Variants in FMN2 observed in about 807,000 individuals in gnomAD.
FMN2 encodes formin-2.
In FMN2, 51 loss-of-function variants were observed where a neutral mutation model predicts 142.3. The ratio of observed to expected loss-of-function variants is 0.36; its 90% CI spans 0.29 to 0.45. The LOEUF (loss-of-function observed/expected upper bound fraction) is 0.45, where lower values mean the gene tolerates loss of function less well. Ranked by LOEUF, FMN2 falls within the 20% of genes least tolerant of loss-of-function variation. The pLI is 1.00. For synonymous variants in FMN2, 882 were observed against 869.8 expected (o/e 1.01, Z -0.25); for missense variants, 1,936 against 2,122.8 (o/e 0.91, Z 1.73).
intron 2 of FMN2, chr1:240,143,112 A>G (rs549170778): frequency 1.0e-5 from 16 of 1,546,394 alleles, no homozygotes; most frequent in Admixed American, 5.0e-5. Context: ...CAAGTGCACC[A>G]TGAAGAGGTC....
intron 7 of FMN2, among the ~76,000 whole-genome samples, chr1:240,290,778 TG>T (rs1669752543): frequency 1.5e-5 from 2 of 136,782 alleles, no homozygotes; most frequent in South Asian, 4.8e-4. Flanking sequence ...TCTGTTTGTT[TG>T]GTTTTTTTTT....
At chr1:240,186,434 C>A (rs1167922098) in intron 3 of FMN2, among the ~76,000 whole-genome samples, 1 of 152,134 alleles carries the variant, frequency 6.6e-6, no homozygotes, top group Non-Finnish European at 1.5e-5. Flanking sequence ...AGTTTATGTT[C>A]TAGTGGAATA....
At chr1:240,430,761 G>A (rs939083174) in intron 15 of FMN2, among the ~76,000 whole-genome samples, 18 of 144,598 alleles carry the variant, frequency 1.2e-4, no homozygotes, top group Admixed American at 9.2e-4. Context: ...GAATTGGCTC[G>A]CCACCTTTTG....
At chr1:240,341,158 A>G (rs912258767) in intron 13 of FMN2, among the ~76,000 whole-genome samples, 1 of 152,220 alleles carries the variant, frequency 6.6e-6, no homozygotes, top group Non-Finnish European at 1.5e-5. Context: ...GTAAATCATA[A>G]TAATTCTTGT....
chr1:240,191,767 A>G (rs531210187), intron 4 of FMN2, among the ~76,000 whole-genome samples: 5 of 152,316 alleles, frequency 3.3e-5, no homozygotes, highest in East Asian at 1.9e-4. Flanking sequence ...AATTATATAT[A>G]CAATTTTTGT....
At chr1:240,400,138 A>G (rs1349069332) in intron 15 of FMN2, among the ~76,000 whole-genome samples, 1 of 152,194 alleles carries the variant, frequency 6.6e-6, no homozygotes, top group African/African-American at 2.4e-5. Flanking sequence ...GATCAAGGGA[A>G]GAAGATAGCC....
intron 7 of FMN2, among the ~76,000 whole-genome samples, chr1:240,282,097 A>G (rs1461489982): frequency 1.3e-5 from 2 of 152,234 alleles, no homozygotes; most frequent in Non-Finnish European, 2.9e-5. Flanking sequence ...AGTGCCTGCT[A>G]TAACAAGGAC....
At chr1:240,394,707 C>T (rs1019437279) in intron 15 of FMN2, among the ~76,000 whole-genome samples, 3 of 152,152 alleles carry the variant, frequency 2.0e-5, no homozygotes, top group Admixed American at 6.5e-5. Context: ...GTGGCTCAAG[C>T]CTGTAATCCT....
intron 14 of FMN2, among the ~76,000 whole-genome samples, chr1:240,371,921 A>G (rs1460653563): frequency 6.6e-6 from 1 of 152,128 alleles, no homozygotes; most frequent in East Asian, 1.9e-4. Context: ...TAAGTGAAAC[A>G]CTGCTAAACC....
intron 15 of FMN2, among the ~76,000 whole-genome samples, chr1:240,436,239 A>T (rs1675365284): frequency 6.6e-6 from 1 of 152,100 alleles, no homozygotes; most frequent in South Asian, 2.1e-4. Context: ...AATTGACTGT[A>T]CTCTGTCATT....
intron 2 of FMN2, among the ~76,000 whole-genome samples, chr1:240,156,831 A>G (rs1664044538): frequency 6.6e-6 from 1 of 152,234 alleles, no homozygotes; most frequent in African/African-American, 2.4e-5. Flanking sequence ...GATATGTTAG[A>G]TTAATAGATG....
At chr1:240,216,488 C>T (rs1470581471) in intron 6 of FMN2, among the ~76,000 whole-genome samples, 1 of 151,998 alleles carries the variant, frequency 6.6e-6, no homozygotes, top group Non-Finnish European at 1.5e-5. Context: ...ATTCTTTGCC[C>T]AGAGAATGGG....
intron 9 of FMN2, 22 bp downstream of exon 9, chr1:240,329,189 G>T: frequency 6.2e-7 from 1 of 1,613,216 alleles, no homozygotes; most frequent in Non-Finnish European, 8.5e-7. Context: ...TTATAACCAC[G>T]TAGAGGGCGT....
At chr1:240,143,950 G>A (rs756283052) in intron 2 of FMN2, 21 of 1,457,580 alleles carry the variant, frequency 1.4e-5, no homozygotes, top group Non-Finnish European at 1.9e-5. Context: ...CAAGTCTCAT[G>A]GTGTTGCTGT....
At chr1:240,214,412 G>A (rs778994242) in intron 6 of FMN2, among the ~76,000 whole-genome samples, 6 of 151,818 alleles carry the variant, frequency 4.0e-5, no homozygotes, top group Non-Finnish European at 7.4e-5. Context: ...TTAGCCGGGC[G>A]TGGCAGCAGG....
chr1:240,369,584 A>G (rs1392438471), intron 14 of FMN2, among the ~76,000 whole-genome samples: 2 of 152,144 alleles, frequency 1.3e-5, no homozygotes, highest in Non-Finnish European at 2.9e-5. Flanking sequence ...CTGTGTGAAC[A>G]TATCTTTATA....
chr1:240,251,733 A>G lies in FMN2; in HGVS notation c.4066-6212A>G, dbSNP rs575938910. ...CCCTTTAGATCTAATAATATGTTTTATATATCTGTGTGCTCCGTTGTTGGG... is the reference window on the plus strand; with the variant it reads ...CCCTTTAGATCTAATAATATGTTTTGTATATCTGTGTGCTCCGTTGTTGGG... On this transcript the variant is annotated intron_variant, in intron 6 of 17. Transcript: ENST00000319653. 2.0e-5 allele frequency among the ~76,000 whole-genome samples: 3 copies of G among 152,220 alleles called. No individual in the cohort carries two copies. The East Asian group carries it at 5.8e-4, about 30-fold the overall frequency.
intron 5 of FMN2, among the ~76,000 whole-genome samples, chr1:240,209,293 C>G (rs542811131): frequency 1.3e-5 from 2 of 150,994 alleles, no homozygotes; most frequent in South Asian, 4.2e-4. Context: ...CTCTGTCACC[C>G]AGGCTGGAGT....
In FMN2 at chr1:240,453,705, T is replaced by C. The variant is rs1202081693; in HGVS notation, c.5060+15495T>C. Among the ~76,000 whole-genome samples, 3 of 65,844 alleles carry C rather than the reference T, an allele frequency of 4.6e-5. 1 individual carries two copies. Among genetic ancestry groups the C allele is most frequent in the Non-Finnish European group, 1.2e-4 (3 of 25,462 alleles). 43.2% of individuals were successfully genotyped at this position (65,844 alleles called of 152,430 possible). Reference sequence around the variant, plus strand: ...TAATGGTGCTTAAAAATGGAAGGCATAGGGCCGGGCGCGGTGGCTCACGCC... The same window carrying C: ...TAATGGTGCTTAAAAATGGAAGGCACAGGGCCGGGCGCGGTGGCTCACGCC... On this transcript the variant is annotated intron_variant, in intron 16 of 17. Transcript: ENST00000319653.
Sources: allele counts gnomAD v4.1 joint callset (sites outside exome capture counted in the v4.1 genomes callset), GRCh38; gene constraint gnomAD v4.1.1; transcripts MANE v1.5; gene names NCBI Gene and HGNC (gene_info 2026-07-23, HGNC 2026-07-21).